ULK4: variants seen among roughly 807,000 people sequenced by gnomAD.
The protein encoded by ULK4 is inactive serine/threonine-protein kinase ULK4.
In ULK4, 133 loss-of-function variants were observed where a neutral mutation model predicts 160.6. The observed-to-expected ratio is 0.83, with a 90% CI of 0.72 to 0.96. ULK4 has a LOEUF of 0.96. Ranked by LOEUF, ULK4 falls within the 40% of genes least tolerant of loss-of-function variation. The probability of loss-of-function intolerance (pLI) is 0.00; values close to 1 mark genes in which losing one functional copy is unlikely to be tolerated. For synonymous variants in ULK4, 534 were observed against 539.8 expected, an observed-to-expected ratio of 0.99 and a Z score of 0.15; for missense variants, 1,580 against 1,499.5, an observed-to-expected ratio of 1.05 and a Z score of -0.89.
intron 32 of ULK4, among the ~76,000 whole-genome samples, chr3:41,531,171 G>A (rs919794026): frequency 2.0e-5 from 3 of 150,446 alleles, no homozygotes; most frequent in African/African-American, 7.3e-5. Flanking sequence ...GGCCGGGCGC[G>A]GTGGCTCAGG....
At chr3:41,749,819 G>A (rs1422968803) in intron 22 of ULK4, among the ~76,000 whole-genome samples, 1 of 152,150 alleles carries the variant, frequency 6.6e-6, no homozygotes, top group East Asian at 1.9e-4. Flanking sequence ...TGGCAGAGGA[G>A]GGAAGTCAAA....
chr3:41,559,645 C>A (rs1265178067), intron 32 of ULK4, among the ~76,000 whole-genome samples: 2 of 152,068 alleles, frequency 1.3e-5, no homozygotes, highest in Admixed American at 1.3e-4. Flanking sequence ...AGCATTTTGT[C>A]ATGTGTGTTT....
intron 31 of ULK4, among the ~76,000 whole-genome samples, chr3:41,577,977 C>A (rs1388908779): frequency 6.6e-6 from 1 of 152,224 alleles, no homozygotes; most frequent in Non-Finnish European, 1.5e-5. Flanking sequence ...TTAACACCTT[C>A]TTTGGCAGGT....
rs572727747 is a variant in ULK4 at position 41,490,374 on chromosome 3, T to C, written c.3227-27121A>G. ...CAGACCCACACTTCCAGCCAGAATG[T>C]ATGTTCATAGCTGACTGTGGTCTCA... On this transcript the variant is annotated intron_variant, in intron 32 of 36. Coordinates refer to ENST00000301831, the MANE Select transcript of ULK4 (RefSeq NM_017886.4). 1.8e-4 allele frequency among the ~76,000 whole-genome samples: 27 copies of C among 152,316 alleles called. No individual in the cohort carries two copies. In the South Asian group the frequency reaches 4.6e-3, roughly 26 times the overall value.
intron 1 of ULK4, 36 bp from the exon 2 acceptor site, chr3:41,954,843 A>T: frequency 7.5e-7 from 1 of 1,336,442 alleles, no homozygotes; most frequent in South Asian, 1.5e-5. Flanking sequence ...GATAAATGCA[A>T]GTTAGTTGCA....
chr3:41,947,618 T>C (rs993969427), intron 2 of ULK4, among the ~76,000 whole-genome samples: 1 of 152,204 alleles, frequency 6.6e-6, no homozygotes. Context: ...CCCAGCACAC[T>C]GGCTGGAACA....
chr3:41,577,171 T>G (rs908287394), intron 31 of ULK4, among the ~76,000 whole-genome samples: 1 of 152,086 alleles, frequency 6.6e-6, no homozygotes, highest in Non-Finnish European at 1.5e-5. Flanking sequence ...TTTTAAAGAA[T>G]GTAAAAGCAC....
intron 18 of ULK4, among the ~76,000 whole-genome samples, chr3:41,828,668 A>G (rs1225259959): frequency 6.6e-6 from 1 of 151,262 alleles, no homozygotes; most frequent in African/African-American, 2.5e-5. Flanking sequence ...ATGGAAGAAC[A>G]TTCCATGCTC....
chr3:41,605,127 G>A (rs867838632), intron 31 of ULK4, among the ~76,000 whole-genome samples: 12 of 151,130 alleles, frequency 7.9e-5, no homozygotes, highest in African/African-American at 2.4e-4. Context: ...TACATTAAAG[G>A]TGCACATATA....
intron 12 of ULK4, among the ~76,000 whole-genome samples, chr3:41,903,156 T>G (rs866254787): frequency 6.6e-6 from 1 of 152,198 alleles, no homozygotes; most frequent in Non-Finnish European, 1.5e-5. Context: ...GAGGAGGAAC[T>G]GCTAGTAAAT....
At chr3:41,653,047 T>A (rs932614655) in intron 30 of ULK4, among the ~76,000 whole-genome samples, 1 of 152,150 alleles carries the variant, frequency 6.6e-6, no homozygotes, top group African/African-American at 2.4e-5. Context: ...GGGGTTTTAC[T>A]AATCTAGAAG....
At position 41,372,896 on chromosome 3, in the gene ULK4, T is replaced by C. The variant is rs188995738; in HGVS notation, c.3678+25183A>G. Among the ~76,000 whole-genome samples, 299 of 152,178 alleles carry C rather than the reference T, an allele frequency of 2.0e-3. 1 individual carries two copies. The highest frequency in any genetic ancestry group is 6.4e-3 in the African/African-American group (267 of 41,510). ...TAGGTGCGCTGTATTCGGAGACCCA[T>C]CTCACATGCAAAGACACTCATAGGC... On this transcript the variant is annotated intron_variant, in intron 35 of 36. Coordinates refer to ENST00000301831, the MANE Select transcript of ULK4 (RefSeq NM_017886.4).
chr3:41,303,713 T>C (rs1335673068), intron 35 of ULK4, among the ~76,000 whole-genome samples: 1 of 152,164 alleles, frequency 6.6e-6, no homozygotes, highest in African/African-American at 2.4e-5. Context: ...CCTTCTGACA[T>C]GCTCAAGTCT....
intron 5 of ULK4, among the ~76,000 whole-genome samples, chr3:41,923,624 A>G (rs1699279152): frequency 6.6e-6 from 1 of 152,246 alleles, no homozygotes; most frequent in Non-Finnish European, 1.5e-5. Flanking sequence ...GCATGGCCTC[A>G]GAGCAAAAGC....
At chr3:41,408,451 A>T (rs943845214) in intron 34 of ULK4, among the ~76,000 whole-genome samples, 32 of 145,062 alleles carry the variant, frequency 2.2e-4, no homozygotes, top group African/African-American at 7.9e-4. Context: ...AAAAAAAAAA[A>T]AATTAAAGAG....
chr3:41,476,863 C>A (rs2084162447), intron 32 of ULK4, among the ~76,000 whole-genome samples: 1 of 152,172 alleles, frequency 6.6e-6, no homozygotes, highest in African/African-American at 2.4e-5. Context: ...AGTTTAAACA[C>A]TGAGATAAAT....
intron 19 of ULK4, among the ~76,000 whole-genome samples, chr3:41,811,011 G>A (rs141107801): frequency 8.4e-4 from 126 of 150,208 alleles, no homozygotes; most frequent in Admixed American, 1.3e-3. Flanking sequence ...AACTTCCAGA[G>A]TAGCTGGGAC....
At chr3:41,923,701 G>GCA (rs1452088146) in intron 5 of ULK4, among the ~76,000 whole-genome samples, 1 of 152,188 alleles carries the variant, frequency 6.6e-6, no homozygotes, top group Non-Finnish European at 1.5e-5. Flanking sequence ...GGACAGTGAA[G>GCA]CACAATCTTC....
chr3:41,295,889 AC>A (rs1218750642), intron 35 of ULK4, among the ~76,000 whole-genome samples: 1 of 152,222 alleles, frequency 6.6e-6, no homozygotes, highest in Non-Finnish European at 1.5e-5. Flanking sequence ...ACTATCTAGC[AC>A]TTGTGCTCTA....
Sources: gnomAD v4.1 joint callset for allele counts (sites outside exome capture counted in the v4.1 genomes callset) on GRCh38, gnomAD v4.1.1 for gene constraint, MANE v1.5 for transcripts, NCBI Gene and HGNC (gene_info 2026-07-23, HGNC 2026-07-21) for gene names.